The following GIT1 variants were observed in gnomAD, a reference collection of about 807,000 sequenced individuals.
The protein encoded by GIT1 is GIT ArfGAP 1.
In GIT1, 14 loss-of-function variants were observed where a neutral mutation model predicts 91.7. The ratio of observed to expected loss-of-function variants is 0.15; its 90% CI spans 0.10 to 0.24. The LOEUF (loss-of-function observed/expected upper bound fraction) is 0.24. Among genes scored for constraint, GIT1 ranks in the 10% least tolerant of loss-of-function variants. GIT1 has a pLI of 1.00. For missense variants in GIT1, 717 were observed against 1,024.9 expected (o/e 0.70, Z 4.10); for synonymous variants, 414 against 418.2 (o/e 0.99, Z 0.12).
In GIT1 at chr17:29,578,393, G is replaced by A. The variant is rs199919817; in HGVS notation, c.811-22C>T. The A allele has an allele frequency of 6.2e-6, 10 of 1,608,520 alleles. No homozygotes were observed. In the East Asian group the frequency reaches 2.0e-4, roughly 32 times the overall value. Reference sequence around the variant, plus strand: ...TGAGCTGGAGGAAGAGAGGGGCCCAGATGTTGTCAGATGCATCGGCTCCCA... The same window carrying A: ...TGAGCTGGAGGAAGAGAGGGGCCCAAATGTTGTCAGATGCATCGGCTCCCA... On this transcript the variant is annotated intron_variant, in intron 8 of 19. Transcript: ENST00000225394.
intron 12 of GIT1, 62 bp downstream of exon 12, chr17:29,576,801 T>C: frequency 6.3e-7 from 1 of 1,576,694 alleles, no homozygotes. Flanking sequence ...AGGACAGAGC[T>C]GGGCCTCAGC....
intron 1 of GIT1, among the ~76,000 whole-genome samples, chr17:29,584,213 A>G (rs1252827207): frequency 6.6e-6 from 1 of 152,244 alleles, no homozygotes; most frequent in Non-Finnish European, 1.5e-5. Flanking sequence ...AGCTGGGTAC[A>G]TTATGTGTGA....
At position 29,574,285 on chromosome 17, in the gene GIT1, G is replaced by A; in HGVS notation, c.*417C>T. The stretch of plus-strand genomic sequence containing the variant: ...ACATCCATGGAGACTATGTACAAAG[G>A]AGGGGATGCCCCCGCTCAGCCCCCA... On this transcript the variant is annotated 3_prime_UTR_variant, in exon 20 of 20. Coordinates refer to ENST00000225394, the MANE Select transcript of GIT1 (RefSeq NM_014030.4). 1 of 229,472 alleles carries A rather than the reference G, an allele frequency of 4.4e-6. No homozygotes were observed. The allele number at this position is 229,472 out of a possible 1,614,324, so 14.2% of individuals were successfully genotyped here.
In GIT1 at chr17:29,576,377, C is replaced by T; in HGVS notation, c.1454G>A (p.Ser485Asn). The change falls in exon 14 of 20, where the codon AGT becomes AAT. Residue 485 changes from serine (S) to asparagine (N), a missense_variant. Physicochemically the swap from Ser to Asn is conservative, Grantham distance 46 (BLOSUM62 1). Around this residue, in one of 3 missense-constraint regions of GIT1, gnomAD observed 312 missense variants for 349.5 expected, o/e 0.89. Transcript: ENST00000225394. ...PGPVPTPPLP[S>N]ERAEHTPMAP... ...CATGGGTGTGTGTTCCGCCCGTTCA[C>T]TGGGGAGTGGAGGTGTGGGCACCGG... 6.2e-7 allele frequency: 1 copy of T among 1,613,522 alleles called. No individual in the cohort carries two copies. The highest frequency in any genetic ancestry group is 1.1e-5 in the South Asian group (1 of 91,080).
intron 12 of GIT1, 52 bp from the exon 13 acceptor site, chr17:29,576,726 C>T: frequency 2.5e-6 from 4 of 1,607,188 alleles, no homozygotes; most frequent in Non-Finnish European, 3.4e-6. Flanking sequence ...GAGGCCAACA[C>T]CCGCAGGGGG....
rs763230033 is a variant in GIT1 at position 29,574,515 on chromosome 17, C to T, written c.*187G>A. The T allele has an allele frequency of 3.9e-5, 25 of 648,974 alleles. 1 individual carries two copies. In the East Asian group the frequency reaches 4.5e-4, roughly 12 times the overall value. The allele number at this position is 648,974 out of a possible 1,614,324, so 40.2% of individuals were successfully genotyped here. A position where few individuals can be genotyped will look rare whatever the true frequency, so the allele number is the denominator to read the frequency against. On this transcript the variant is annotated 3_prime_UTR_variant, in exon 20 of 20. Transcript: ENST00000225394. Reference sequence around the variant, plus strand: ...AATGTGGGGGACAGAAGCTCCTGCCCCCCCACCTCCCCATCCTTAGGGGCT... The same window carrying T: ...AATGTGGGGGACAGAAGCTCCTGCCTCCCCACCTCCCCATCCTTAGGGGCT...
intron 1 of GIT1, 45 bp from the exon 2 acceptor site, chr17:29,583,661 C>T: frequency 6.5e-7 from 1 of 1,537,912 alleles, no homozygotes; most frequent in African/African-American, 1.4e-5. Flanking sequence ...GATGATGGGC[C>T]AGACCTCCTG....
intron 8 of GIT1, 38 bp downstream of exon 8, chr17:29,578,693 C>T (rs2150835349): frequency 6.3e-7 from 1 of 1,577,314 alleles, no homozygotes; most frequent in Non-Finnish European, 8.7e-7. Flanking sequence ...AGAGAGGGGC[C>T]AGCTTCAAGT....
At chr17:29,577,873 T>A in intron 9 of GIT1, 131 bp from the exon 10 acceptor site, 1 of 656,286 alleles carries the variant, frequency 1.5e-6, no homozygotes, top group Non-Finnish European at 2.8e-6. Flanking sequence ...ACAGGGGTGG[T>A]CTTTGGGCAC....
Position 29,574,519 on chromosome 17 carries a change from C to CCCA in GIT1, c.*182_*183insTGG. 4 of 661,740 alleles carry CCCA rather than the reference C, an allele frequency of 6.0e-6. No individual in the cohort carries two copies. The South Asian group carries it at 6.9e-5, about 11-fold the overall frequency. The allele number at this position is 661,740 out of a possible 1,614,324, so 41.0% of individuals were successfully genotyped here. On this transcript the variant is annotated 3_prime_UTR_variant, in exon 20 of 20. Transcript: ENST00000225394. Reference sequence around the variant, plus strand: ...TGGGGGACAGAAGCTCCTGCCCCCCCACCTCCCCATCCTTAGGGGCTCGAC... The same window carrying CCCA: ...TGGGGGACAGAAGCTCCTGCCCCCCCCCAACCTCCCCATCCTTAGGGGCTCGAC...
chr17:29,583,692 C>T, intron 1 of GIT1, 76 bp from the exon 2 acceptor site: 1 of 1,461,394 alleles, frequency 6.8e-7, no homozygotes, highest in Non-Finnish European at 9.2e-7. Flanking sequence ...CTGGCCCGTG[C>T]CAAGCCTAGT....
Position 29,575,005 on chromosome 17 carries a change from G to A in GIT1, c.2073+74C>T, listed in dbSNP as rs749005457. 1.7e-5 allele frequency: 25 copies of A among 1,465,206 alleles called. No individual in the cohort carries two copies. The highest frequency in any genetic ancestry group is 3.7e-5 in the South Asian group (3 of 80,886). The allele number at this position is 1,465,206 out of a possible 1,614,324, so 90.8% of individuals were successfully genotyped here. A position where few individuals can be genotyped will look rare whatever the true frequency, so the allele number is the denominator to read the frequency against. On this transcript the variant is annotated intron_variant, in intron 19 of 19. Coordinates refer to ENST00000225394, the MANE Select transcript of GIT1 (RefSeq NM_014030.4). This position sits in a 1 kb window ranked among gnomAD's most constrained non-coding sequence, Gnocchi z 5.5. ...TTGTCTGTGTCTCCACCCAGGTAGC[G>A]ATCAGATGGGATTCTCCACGCCTGC...
chr17:29,582,575 T>C, intron 4 of GIT1, 123 bp downstream of exon 4: 2 of 691,724 alleles, frequency 2.9e-6, no homozygotes, highest in South Asian at 3.4e-5. Flanking sequence ...CCCTGTCTAC[T>C]GTTACCCTGA....
chr17:29,581,908 C>A lies in GIT1; in HGVS notation c.623+19G>T. ...CACACCCCCACCCACCCACACTGCA[C>A]CCTTCAGCCGACCCTCACCTGGCAT... On this transcript the variant is annotated intron_variant, in intron 5 of 19. Coordinates refer to ENST00000225394, the MANE Select transcript of GIT1 (RefSeq NM_014030.4). The surrounding 1 kb of genome is among the most constrained non-coding windows in gnomAD (Gnocchi z 4.8). 6.2e-7 allele frequency: 1 copy of A among 1,609,044 alleles called. No homozygotes were observed. The highest frequency in any genetic ancestry group is 1.7e-5 in the Admixed American group (1 of 60,020).
intron 8 of GIT1, 152 bp downstream of exon 8, chr17:29,578,579 G>A: frequency 1.2e-6 from 1 of 853,450 alleles, no homozygotes; most frequent in Non-Finnish European, 2.0e-6. Flanking sequence ...TTGTAGGGAG[G>A]TCAGGGAGAG....
intron 12 of GIT1, 42 bp from the exon 13 acceptor site, chr17:29,576,716 G>A (rs751666806): frequency 1.9e-6 from 3 of 1,610,800 alleles, no homozygotes; most frequent in South Asian, 2.2e-5. Context: ...TGGGGGCAGG[G>A]AGGCCAACAC....
intron 1 of GIT1, among the ~76,000 whole-genome samples, chr17:29,587,460 T>G (rs1267521624): frequency 3.3e-5 from 5 of 152,138 alleles, no homozygotes; most frequent in Non-Finnish European, 7.4e-5. Flanking sequence ...AAAGGAGGCA[T>G]CTGGGGCACA....
At chr17:29,583,972 AGG>A (rs1358779629) in intron 1 of GIT1, 4 of 284,082 alleles carry the variant, frequency 1.4e-5, no homozygotes, top group African/African-American at 6.4e-5. Context: ...GAAGGGAGGA[AGG>A]GATCCCCAAG....
At position 29,581,895 on chromosome 17, in the gene GIT1, C is replaced by T; in HGVS notation, c.623+32G>A. 2 of 1,607,842 alleles carry T rather than the reference C, an allele frequency of 1.2e-6. No individual in the cohort carries two copies. Among genetic ancestry groups the T allele is most frequent in the Non-Finnish European group, 8.5e-7 (1 of 1,175,510 alleles). ...AGCAGCCCTCACCCACACCCCCACC[C>T]ACCCACACTGCACCCTTCAGCCGAC... On this transcript the variant is annotated intron_variant, in intron 5 of 19. Coordinates refer to ENST00000225394, the MANE Select transcript of GIT1 (RefSeq NM_014030.4). This position sits in a 1 kb window ranked among gnomAD's most constrained non-coding sequence, Gnocchi z 4.8.
Sources: gnomAD v4.1 joint callset for allele counts (sites outside exome capture counted in the v4.1 genomes callset) on GRCh38, gnomAD v4.1.1 for gene constraint, gnomAD v4.1.1 regional missense constraint, Gnocchi (gnomAD v3.1) non-coding constraint, MANE v1.5 for transcripts, NCBI Gene and HGNC (gene_info 2026-07-23, HGNC 2026-07-21) for gene names.